P2RY14: variants seen among roughly 807,000 people sequenced by gnomAD.
P2RY14 encodes P2Y purinoceptor 14.
In P2RY14, 2 loss-of-function variants were observed where a neutral mutation model predicts 0.9. The ratio of observed to expected loss-of-function variants is 2.16; its 90% CI spans 0.88 to 6.79. The LOEUF (loss-of-function observed/expected upper bound fraction) is 6.79, where lower values mean the gene tolerates loss of function less well. P2RY14 is among the 30% of genes most tolerant of loss of function. The probability of loss-of-function intolerance (pLI) is 0.05; values close to 1 mark genes in which losing one functional copy is unlikely to be tolerated. For missense variants in P2RY14, 378 were observed against 400.1 expected (o/e 0.94, Z 0.47); for synonymous variants, 158 against 147.2 (o/e 1.07, Z -0.53).
At chr3:151,269,631 G>A (rs1740507429) in intron 1 of P2RY14, 3 of 389,594 alleles carry the variant, frequency 7.7e-6, no homozygotes, top group Non-Finnish European at 5.0e-6. Flanking sequence ...AAGAGGCACT[G>A]TATTATTTGA....
intron 1 of P2RY14, among the ~76,000 whole-genome samples, chr3:151,256,893 ATAG>A (rs1737926517): frequency 6.6e-6 from 1 of 150,878 alleles, no homozygotes; most frequent in African/African-American, 2.4e-5. Flanking sequence ...CATGGGGAAA[ATAG>A]TGTTTGAATT....
At position 151,244,326 on chromosome 3, in the gene P2RY14, A is replaced by G. The variant is rs1235882725; in HGVS notation, c.-132-24684T>C. 4.0e-5 allele frequency among the ~76,000 whole-genome samples: 5 copies of G among 123,766 alleles called. No individual in the cohort carries two copies. The Admixed American group carries it at 4.4e-4, about 11-fold the overall frequency. 81.2% of individuals were successfully genotyped at this position (123,766 alleles called of 152,430 possible). ...CAACAGAATATACATTTTTTTCAGC[A>G]CCACACCACACCTATTCCAAAATTG... is the stretch of plus-strand genomic sequence containing the variant. On this transcript the variant is annotated intron_variant, in intron 1 of 2. Coordinates refer to ENST00000309170, the MANE Select transcript of P2RY14 (RefSeq NM_014879.4).
chr3:151,243,843 C>T (rs375906121), intron 1 of P2RY14, among the ~76,000 whole-genome samples: 2 of 150,672 alleles, frequency 1.3e-5, no homozygotes, highest in Non-Finnish European at 3.0e-5. Flanking sequence ...AGAGTCAAGA[C>T]CCATCAGTGT....
At position 151,269,397 on chromosome 3, in the gene P2RY14, T is replaced by TCA. The variant is rs71801434; in HGVS notation, c.-133+8888_-133+8889dup. 1,096 of 144,822 alleles carry TCA rather than the reference T, an allele frequency of 7.6e-3. 9 individuals are homozygous for TCA. The highest frequency in any genetic ancestry group is 0.017 in the African/African-American group (594 of 34,148). The allele number at this position is 144,822 out of a possible 1,614,324, so 9.0% of individuals were successfully genotyped here. A position where few individuals can be genotyped will look rare whatever the true frequency, so the allele number is the denominator to read the frequency against. ...CCTGGGCAACAAGAGTGAAACTCCA[T>TCA]CACACACACACACACACACACACAC... On this transcript the variant is annotated intron_variant, in intron 1 of 2. Transcript: ENST00000309170.
intron 1 of P2RY14, among the ~76,000 whole-genome samples, chr3:151,253,341 C>T (rs1335041383): frequency 2.6e-5 from 4 of 152,170 alleles, no homozygotes; most frequent in Admixed American, 6.5e-5. Context: ...CCGCTCTTAC[C>T]CCTCACTCCA....
intron 2 of P2RY14, among the ~76,000 whole-genome samples, chr3:151,216,845 T>G (rs1036241286): frequency 1.3e-5 from 2 of 152,218 alleles, no homozygotes; most frequent in Non-Finnish European, 2.9e-5. Flanking sequence ...CTGTGGCTGG[T>G]AACTAATTTG....
At chr3:151,236,503 C>T (rs190482438) in intron 1 of P2RY14, among the ~76,000 whole-genome samples, 11 of 152,188 alleles carry the variant, frequency 7.2e-5, no homozygotes, top group South Asian at 4.1e-4. Flanking sequence ...GTAACCAAAA[C>T]GAAAGCCAAG....
intron 1 of P2RY14, among the ~76,000 whole-genome samples, chr3:151,267,203 G>A (rs1208590732): frequency 3.3e-5 from 5 of 152,136 alleles, no homozygotes; most frequent in Non-Finnish European, 5.9e-5. Flanking sequence ...ATTCCTTACT[G>A]GGAGATTTTT....
intron 1 of P2RY14, among the ~76,000 whole-genome samples, chr3:151,257,479 C>T (rs1738042688): frequency 6.6e-6 from 1 of 152,244 alleles, no homozygotes; most frequent in Admixed American, 6.5e-5. Context: ...CATTACTTAA[C>T]CTCTCTGTGC....
intron 1 of P2RY14, among the ~76,000 whole-genome samples, chr3:151,235,267 TG>T (rs887722558): frequency 9.2e-5 from 14 of 152,220 alleles, no homozygotes; most frequent in African/African-American, 2.4e-4. Flanking sequence ...GAAAGATTTC[TG>T]GACCTTTGTA....
At chr3:151,268,437 G>T (rs933051841) in intron 1 of P2RY14, among the ~76,000 whole-genome samples, 11 of 152,162 alleles carry the variant, frequency 7.2e-5, no homozygotes, top group Non-Finnish European at 1.2e-4. Flanking sequence ...ACTGCTATTT[G>T]TACAGAAATG....
intron 1 of P2RY14, among the ~76,000 whole-genome samples, chr3:151,259,150 C>T (rs1339826827): frequency 1.3e-5 from 2 of 152,170 alleles, no homozygotes; most frequent in African/African-American, 2.4e-5. Context: ...AAGGTGGTGC[C>T]TCTGCATATT....
Position 151,242,522 on chromosome 3 carries a change from A to C in P2RY14, c.-132-22880T>G, listed in dbSNP as rs528905026. 3.1e-3 allele frequency among the ~76,000 whole-genome samples: 466 copies of C among 149,958 alleles called. 4 individuals carry two copies. The highest frequency in any genetic ancestry group is 0.011 in the African/African-American group (442 of 40,838). On this transcript the variant is annotated intron_variant, in intron 1 of 2. Coordinates refer to ENST00000309170, the MANE Select transcript of P2RY14 (RefSeq NM_014879.4). ...GCAGGGGCACACTGACACCTCACAC[A>C]GCAGGGTATTCCAACAGACCTGCAG...
At chr3:151,234,189 T>C (rs1732273281) in intron 1 of P2RY14, among the ~76,000 whole-genome samples, 1 of 152,232 alleles carries the variant, frequency 6.6e-6, no homozygotes. Flanking sequence ...CAGATGATTA[T>C]TGACAGGAGA....
intron 1 of P2RY14, among the ~76,000 whole-genome samples, chr3:151,244,479 A>G (rs1303461610): frequency 1.4e-5 from 2 of 147,008 alleles, no homozygotes; most frequent in Admixed American, 6.9e-5. Flanking sequence ...AAAACCACTC[A>G]ACTACATGGA....
At chr3:151,275,582 G>C (rs900722391) in intron 1 of P2RY14, among the ~76,000 whole-genome samples, 6 of 152,210 alleles carry the variant, frequency 3.9e-5, no homozygotes, top group African/African-American at 1.2e-4. Flanking sequence ...AAGCTTTGCT[G>C]TGGTAAACTT....
chr3:151,234,113 C>T (rs1228071014), intron 1 of P2RY14, among the ~76,000 whole-genome samples: 1 of 152,162 alleles, frequency 6.6e-6, no homozygotes, highest in Non-Finnish European at 1.5e-5. Context: ...CAGATGCATG[C>T]CAGGAAGCAT....
intron 1 of P2RY14, among the ~76,000 whole-genome samples, chr3:151,258,170 G>A (rs191598118): frequency 4.6e-5 from 7 of 152,266 alleles, no homozygotes; most frequent in Admixed American, 2.0e-4. Flanking sequence ...TGGGAGTTCC[G>A]ATATGGTATG....
intron 1 of P2RY14, among the ~76,000 whole-genome samples, chr3:151,267,894 A>G (rs1740144307): frequency 6.6e-6 from 1 of 152,160 alleles, no homozygotes; most frequent in African/African-American, 2.4e-5. Flanking sequence ...GCTTTTTAAA[A>G]TTTCTTTGTA....
Sources: gnomAD v4.1 joint callset for allele counts (sites outside exome capture counted in the v4.1 genomes callset) on GRCh38, gnomAD v4.1.1 for gene constraint, MANE v1.5 for transcripts, NCBI Gene and HGNC (gene_info 2026-07-23, HGNC 2026-07-21) for gene names.